NEGR1: variants seen among roughly 807,000 people sequenced by gnomAD.
NEGR1 encodes IgLON family member 4.
NEGR1 carries 10 observed loss-of-function variants against 40.9 expected under a neutral mutation model. That is an observed-to-expected ratio of 0.24 (90% CI 0.15 to 0.42). NEGR1 has a LOEUF of 0.42. Among genes scored for constraint, NEGR1 ranks in the 10% least tolerant of loss-of-function variants. The pLI is 1.00. For missense variants in NEGR1, 352 were observed against 438.9 expected, an observed-to-expected ratio of 0.80 and a Z score of 1.77; for synonymous variants, 185 against 166.8, an observed-to-expected ratio of 1.11 and a Z score of -0.84.
chr1:71,822,356 C>T (rs1169578327), intron 2 of NEGR1, among the ~76,000 whole-genome samples: 1 of 151,954 alleles, frequency 6.6e-6, no homozygotes, highest in Non-Finnish European at 1.5e-5. Context: ...ATGAAAGAGG[C>T]ATTTAACAAC....
At chr1:71,939,062 C>T (rs1177599740) in intron 1 of NEGR1, among the ~76,000 whole-genome samples, 3 of 152,128 alleles carry the variant, frequency 2.0e-5, no homozygotes, top group Admixed American at 6.6e-5. Flanking sequence ...ACCTCCCACT[C>T]CTATTTTCCA....
intron 2 of NEGR1, among the ~76,000 whole-genome samples, chr1:71,874,306 A>G (rs1374580199): frequency 6.6e-6 from 1 of 152,180 alleles, no homozygotes; most frequent in Non-Finnish European, 1.5e-5. Flanking sequence ...ATGAAGAAAA[A>G]TAGAAGAATC....
At chr1:72,200,890 A>T (rs1163549793) in intron 1 of NEGR1, among the ~76,000 whole-genome samples, 1 of 151,880 alleles carries the variant, frequency 6.6e-6, no homozygotes, top group Non-Finnish European at 1.5e-5. Flanking sequence ...TATTTGCTAG[A>T]TTATATACTT....
chr1:72,188,589 G>A (rs532691211), intron 1 of NEGR1, among the ~76,000 whole-genome samples: 1 of 151,518 alleles, frequency 6.6e-6, no homozygotes, highest in East Asian at 1.9e-4. Flanking sequence ...AACAAGAAGA[G>A]TCCTTTACAA....
intron 1 of NEGR1, among the ~76,000 whole-genome samples, chr1:72,094,194 A>G (rs1336853629): frequency 6.6e-6 from 1 of 152,166 alleles, no homozygotes; most frequent in Non-Finnish European, 1.5e-5. Flanking sequence ...CTCACAAATG[A>G]ATTCCTAATT....
chr1:71,728,137 A>T (rs910134307), intron 3 of NEGR1, among the ~76,000 whole-genome samples: 7 of 152,176 alleles, frequency 4.6e-5, no homozygotes, highest in African/African-American at 1.7e-4. Flanking sequence ...GCAGACCAGA[A>T]TTATCCAGTC....
At chr1:72,072,446 C>T (rs143489940) in intron 1 of NEGR1, among the ~76,000 whole-genome samples, 67 of 152,198 alleles carry the variant, frequency 4.4e-4, no homozygotes, top group African/African-American at 1.6e-3. Flanking sequence ...TCAAAATCAA[C>T]ACAATATGCA....
At chr1:71,803,657 A>G (rs1657643231) in intron 2 of NEGR1, among the ~76,000 whole-genome samples, 1 of 152,138 alleles carries the variant, frequency 6.6e-6, no homozygotes, top group Non-Finnish European at 1.5e-5. Context: ...TATTTGTCCA[A>G]ATATAACCTT....
At chr1:71,860,539 A>G (rs188339024) in intron 2 of NEGR1, among the ~76,000 whole-genome samples, 18 of 152,138 alleles carry the variant, frequency 1.2e-4, no homozygotes, top group African/African-American at 4.3e-4. Context: ...GTCTAATAAA[A>G]TTATGTTTGA....
At chr1:72,153,601 AAAT>A (rs1406446721) in intron 1 of NEGR1, among the ~76,000 whole-genome samples, 1 of 151,956 alleles carries the variant, frequency 6.6e-6, no homozygotes, top group Non-Finnish European at 1.5e-5. Flanking sequence ...TGATAGAGTT[AAAT>A]AATATGTATC....
At chr1:71,478,936 G>A (rs923522268) in intron 6 of NEGR1, among the ~76,000 whole-genome samples, 14 of 151,940 alleles carry the variant, frequency 9.2e-5, no homozygotes, top group Admixed American at 2.6e-4. Flanking sequence ...CCTGAATCCA[G>A]TGCCTCTGGT....
chr1:72,209,432 C>T (rs931531449), intron 1 of NEGR1, among the ~76,000 whole-genome samples: 19 of 151,704 alleles, frequency 1.3e-4, no homozygotes, highest in Admixed American at 5.9e-4. Context: ...TTCTCTCTTC[C>T]TTCCAATACA....
chr1:71,487,068 TAGA>T (rs1329310865), intron 6 of NEGR1: 3 of 151,542 alleles, frequency 2.0e-5, no homozygotes, highest in African/African-American at 7.3e-5. Context: ...ACACAATACA[TAGA>T]AGATTTTTTG....
At chr1:71,757,057 G>C (rs1434581580) in intron 3 of NEGR1, among the ~76,000 whole-genome samples, 1 of 152,004 alleles carries the variant, frequency 6.6e-6, no homozygotes, top group Non-Finnish European at 1.5e-5. Context: ...AATGAATCTA[G>C]TTTTTTAAGT....
intron 4 of NEGR1, among the ~76,000 whole-genome samples, chr1:71,653,221 C>T (rs567376334): frequency 4.0e-4 from 61 of 152,222 alleles, no homozygotes; most frequent in South Asian, 1.7e-3. Flanking sequence ...TGAATCTATA[C>T]CTCTTTACTC....
In NEGR1 at chr1:71,985,248, G is replaced by A. The variant is rs192907927; in HGVS notation, c.177-49937C>T. Among the ~76,000 whole-genome samples the A allele has an allele frequency of 5.3e-5, 8 of 152,288 alleles. No homozygotes were observed. The East Asian group carries it at 9.6e-4, about 18-fold the overall frequency. ...CCGGAAGTATAGCAATGTGTGAAGTGTCTCATATGTTAAAATTTGAAATAA... is the reference window on the plus strand; with the variant it reads ...CCGGAAGTATAGCAATGTGTGAAGTATCTCATATGTTAAAATTTGAAATAA... On this transcript the variant is annotated intron_variant, in intron 1 of 6. Transcript: ENST00000357731.
At chr1:71,598,863 C>T (rs1383581368) in intron 5 of NEGR1, among the ~76,000 whole-genome samples, 1 of 152,146 alleles carries the variant, frequency 6.6e-6, no homozygotes, top group African/African-American at 2.4e-5. Flanking sequence ...CTTTTTCTAA[C>T]ATCATTTCAG....
chr1:71,616,485 T>C (rs1650450142), intron 4 of NEGR1, among the ~76,000 whole-genome samples: 1 of 152,186 alleles, frequency 6.6e-6, no homozygotes, highest in Non-Finnish European at 1.5e-5. Flanking sequence ...AACAGAGAAT[T>C]ATACACATAG....
intron 6 of NEGR1, among the ~76,000 whole-genome samples, chr1:71,574,342 T>A (rs906333039): frequency 6.6e-6 from 1 of 152,220 alleles, no homozygotes; most frequent in African/African-American, 2.4e-5. Context: ...TCTACCAGCA[T>A]CAGTGAGATT....
Sources: allele counts gnomAD v4.1 joint callset (sites outside exome capture counted in the v4.1 genomes callset), GRCh38; gene constraint gnomAD v4.1.1; transcripts MANE v1.5; gene names NCBI Gene and HGNC (gene_info 2026-07-23, HGNC 2026-07-21).